Variants in RAB7B observed in about 807,000 individuals in gnomAD.
RAB7B encodes the protein RAB7B, member RAS oncogene family.
chr1:206,000,856 G>T (rs1177051148), intron 1 of RAB7B, among the ~76,000 whole-genome samples: 1 of 152,204 alleles, frequency 6.6e-6, no homozygotes, highest in African/African-American at 2.4e-5. Flanking sequence ...ATCCATGAAA[G>T]GTAGAGCCAG....
intron 4 of RAB7B, among the ~76,000 whole-genome samples, chr1:205,988,036 G>C (rs1660644500): frequency 6.6e-6 from 1 of 151,784 alleles, no homozygotes. Context: ...AAATGTACCT[G>C]GCTCATTGTA....
intron 5 of RAB7B, among the ~76,000 whole-genome samples, chr1:205,981,660 T>C (rs1452214673): frequency 6.7e-5 from 10 of 148,822 alleles, no homozygotes; most frequent in Admixed American, 1.3e-4. Context: ...GAATATTAAC[T>C]GAACACCTAC....
chr1:205,990,901 C>A (rs978199286), intron 4 of RAB7B, among the ~76,000 whole-genome samples: 1 of 151,668 alleles, frequency 6.6e-6, no homozygotes, highest in African/African-American at 2.4e-5. Flanking sequence ...GATTCTCCTG[C>A]CTCATCCTCC....
At chr1:205,998,688 GTC>G (rs1400348099) in intron 1 of RAB7B, among the ~76,000 whole-genome samples, 1 of 152,208 alleles carries the variant, frequency 6.6e-6, no homozygotes, top group Non-Finnish European at 1.5e-5. Flanking sequence ...GCTGGAGTAC[GTC>G]TCACGTTACA....
At position 205,998,968 on chromosome 1, in the gene RAB7B, A is replaced by AGTTCAGCC. The variant is rs1660850037; in HGVS notation, c.-17+4277_-17+4284dup. Reference sequence around the variant, plus strand: ...AAACAGATGTTTAGAGCAGTTAAGCAGTTCAGCCTTAAAGACAGAAAGCCC... The same window carrying AGTTCAGCC: ...AAACAGATGTTTAGAGCAGTTAAGCAGTTCAGCCGTTCAGCCTTAAAGACAGAAAGCCC... On this transcript the variant is annotated intron_variant, in intron 1 of 5. Coordinates refer to ENST00000617070, the MANE Select transcript of RAB7B (RefSeq NM_001164522.3). Among the ~76,000 whole-genome samples the AGTTCAGCC allele has an allele frequency of 2.6e-5, 4 of 152,358 alleles. No individual in the cohort carries two copies. The South Asian group carries it at 8.3e-4, about 32-fold the overall frequency.
Position 205,992,628 on chromosome 1 carries a change from C to T in RAB7B, c.248G>A (p.Gly83Asp), listed in dbSNP as rs1660742143. 1.3e-5 allele frequency: 5 copies of T among 398,636 alleles called. No individual in the cohort carries two copies. Among genetic ancestry groups the T allele is most frequent in the Non-Finnish European group, 1.8e-5 (4 of 226,164 alleles). 24.7% of individuals were successfully genotyped at this position (398,636 alleles called of 1,614,324 possible). A position where few individuals can be genotyped will look rare whatever the true frequency, so the allele number is the denominator to read the frequency against. ...MVSTFYKGSD[G>D]CILAFDVTDL... ...GGTGACATCAAAAGCTAGGATGCAG[C>T]CATCGGAGCCCTTGTAGAACGTGGA... Residue 83 changes from glycine (G) to aspartate (D), a missense_variant, in exon 4 of 6, where the codon GGC (glycine) becomes GAC (aspartate). Coordinates refer to ENST00000617070, the MANE Select transcript of RAB7B (RefSeq NM_001164522.3).
At chr1:206,000,216 G>C (rs1305364214) in intron 1 of RAB7B, among the ~76,000 whole-genome samples, 2 of 152,304 alleles carry the variant, frequency 1.3e-5, no homozygotes, top group African/African-American at 2.4e-5. Flanking sequence ...TTCATAAGAG[G>C]GATGGGAAAG....
At chr1:205,988,829 C>G (rs1239136057) in intron 4 of RAB7B, among the ~76,000 whole-genome samples, 1 of 152,160 alleles carries the variant, frequency 6.6e-6, no homozygotes, top group Non-Finnish European at 1.5e-5. Context: ...AAGAACGTAC[C>G]TCTTGGCTCC....
At chr1:205,999,711 C>T (rs1299650185) in intron 1 of RAB7B, among the ~76,000 whole-genome samples, 1 of 152,222 alleles carries the variant, frequency 6.6e-6, no homozygotes, top group Non-Finnish European at 1.5e-5. Flanking sequence ...ATGACACTCT[C>T]TACATCAATT....
Position 205,994,089 on chromosome 1 carries a change from G to A in RAB7B, c.47C>T (p.Ala16Val). 1 of 398,640 alleles carries A rather than the reference G, an allele frequency of 2.5e-6. No homozygotes were observed. The highest frequency in any genetic ancestry group is 4.4e-6 in the Non-Finnish European group (1 of 226,118). The allele number at this position is 398,640 out of a possible 1,614,324, so 24.7% of individuals were successfully genotyped here. ...AGAGCTGAGCTTGGCTTACCCAATG[G>A]CTCCGACGATAATGAGTTTCAGGTC... ...KVDLKLIIVG[A>V]IGVGKTSLLH... Residue 16 changes from alanine to valine, a missense_variant, in exon 2 of 6, where the codon GCC becomes GTC. Ala to Val is a moderately conservative substitution (Grantham distance 64). Coordinates refer to ENST00000617070, the MANE Select transcript of RAB7B (RefSeq NM_001164522.3).
At chr1:205,992,009 A>G (rs1660729952) in intron 4 of RAB7B, among the ~76,000 whole-genome samples, 1 of 152,264 alleles carries the variant, frequency 6.6e-6, no homozygotes, top group South Asian at 2.1e-4. Flanking sequence ...CCAAGAATTT[A>G]TAACTGCAGA....
chr1:206,001,049 C>A (rs1172724068), intron 1 of RAB7B, among the ~76,000 whole-genome samples: 1 of 152,184 alleles, frequency 6.6e-6, no homozygotes. Flanking sequence ...GTTCCCCTAC[C>A]CTATCCTAGA....
chr1:205,994,334 C>G (rs1209000758), intron 1 of RAB7B, 183 bp from the exon 2 acceptor site: 3 of 361,430 alleles, frequency 8.3e-6, no homozygotes, highest in Non-Finnish European at 9.9e-6. Context: ...CCTCACTTTC[C>G]CTGGGGGCCT....
In RAB7B at chr1:205,979,011, A is replaced by C. The variant is rs1292243080; in HGVS notation, c.523-83T>G. 7 of 397,064 alleles carry C rather than the reference A, an allele frequency of 1.8e-5. 1 individual carries two copies. Among genetic ancestry groups the C allele is most frequent in the Admixed American group, 1.3e-4 (3 of 22,684 alleles). 24.6% of individuals were successfully genotyped at this position (397,064 alleles called of 1,614,324 possible). A position where few individuals can be genotyped will look rare whatever the true frequency, so the allele number is the denominator to read the frequency against. On this transcript the variant is annotated intron_variant, in intron 5 of 5. Transcript: ENST00000617070. Reference sequence around the variant, plus strand: ...CCCTTCATTTCTTAGTGGGCCTCAGAGCCTGGGCTCTTGTTTCCTCCCCAT... The same window carrying C: ...CCCTTCATTTCTTAGTGGGCCTCAGCGCCTGGGCTCTTGTTTCCTCCCCAT...
chr1:206,000,603 T>G (rs1469343035), intron 1 of RAB7B, among the ~76,000 whole-genome samples: 1 of 152,224 alleles, frequency 6.6e-6, no homozygotes, highest in African/African-American at 2.4e-5. Flanking sequence ...TGTCATGATC[T>G]TATAACACAG....
Position 205,978,670 on chromosome 1 carries a change from G to C in RAB7B, c.*181C>G. The C allele has an allele frequency of 2.6e-6, 1 of 390,434 alleles. No individual in the cohort carries two copies. The highest frequency in any genetic ancestry group is 4.5e-6 in the Non-Finnish European group (1 of 221,276). 24.2% of individuals were successfully genotyped at this position (390,434 alleles called of 1,614,324 possible). On this transcript the variant is annotated 3_prime_UTR_variant, in exon 6 of 6. Transcript: ENST00000617070. ...TCACTATACTCAGCCTGAGCCAGGGGCTGCCCTCTGACTCTGGGCCCAGCA... is the reference window on the plus strand; with the variant it reads ...TCACTATACTCAGCCTGAGCCAGGGCCTGCCCTCTGACTCTGGGCCCAGCA...
intron 5 of RAB7B, among the ~76,000 whole-genome samples, chr1:205,983,099 A>G (rs1660524976): frequency 6.6e-6 from 1 of 152,038 alleles, no homozygotes; most frequent in Admixed American, 6.5e-5. Context: ...TGGCATCTGC[A>G]CTCCTAGTCG....
At position 205,980,891 on chromosome 1, in the gene RAB7B, C is replaced by T. The variant is rs967520705; in HGVS notation, c.523-1963G>A. On this transcript the variant is annotated intron_variant, in intron 5 of 5. Transcript: ENST00000617070. ...CCTCCCCCTTCCCCTTCACCTCCTC[C>T]GCTTCCCCTTCCCCTTTCTTCCTTT... Among the ~76,000 whole-genome samples, 394 of 144,768 alleles carry T rather than the reference C, an allele frequency of 2.7e-3. 1 individual carries two copies. The highest frequency in any genetic ancestry group is 4.9e-3 in the Non-Finnish European group (323 of 66,034). 95.0% of individuals were successfully genotyped at this position (144,768 alleles called of 152,430 possible).
intron 5 of RAB7B, among the ~76,000 whole-genome samples, chr1:205,984,744 G>A: frequency 6.6e-6 from 1 of 152,282 alleles, no homozygotes; most frequent in African/African-American, 2.4e-5. Context: ...TTTCTGTCAT[G>A]AAGCCCCTGC....
Sources: gnomAD v4.1 joint callset for allele counts (sites outside exome capture counted in the v4.1 genomes callset) on GRCh38, gnomAD v4.1.1 for gene constraint, MANE v1.5 for transcripts, NCBI Gene and HGNC (gene_info 2026-07-23, HGNC 2026-07-21) for gene names.